The following TWSG1 variants were observed in gnomAD, a reference collection of about 807,000 sequenced individuals.
TWSG1 encodes twisted gastrulation protein homolog 1.
TWSG1 carries 15 observed loss-of-function variants against 23.0 expected under a neutral mutation model. The ratio of observed to expected loss-of-function variants is 0.65; its 90% CI spans 0.44 to 1.00. TWSG1 has a LOEUF of 1.00. Ranked by LOEUF, TWSG1 falls within the 50% of genes least tolerant of loss-of-function variation. The probability of loss-of-function intolerance (pLI) is 0.00; values close to 1 mark genes in which losing one functional copy is unlikely to be tolerated. For missense variants in TWSG1, 242 were observed against 278.7 expected (o/e 0.87, Z 0.94); for synonymous variants, 86 against 92.8 (o/e 0.93, Z 0.42).
chr18:9,393,731 T>G (rs1346107432), intron 3 of TWSG1, among the ~76,000 whole-genome samples: 5 of 151,736 alleles, frequency 3.3e-5, no homozygotes, highest in Non-Finnish European at 7.4e-5. Flanking sequence ...CTAATTTTTT[T>G]GTTTGTTTTG....
intron 3 of TWSG1, among the ~76,000 whole-genome samples, chr18:9,380,621 G>GCTA (rs1439138058): frequency 2.0e-5 from 3 of 152,170 alleles, no homozygotes; most frequent in Non-Finnish European, 4.4e-5. Context: ...TGAGGACAAA[G>GCTA]CTGTAGTCTA....
At chr18:9,396,955 G>A (rs573549498) in intron 4 of TWSG1, 20 of 184,734 alleles carry the variant, frequency 1.1e-4, no homozygotes, top group Admixed American at 2.4e-4. Flanking sequence ...CTACGAGGGA[G>A]GCTGAGGCAG....
intron 2 of TWSG1, among the ~76,000 whole-genome samples, chr18:9,348,227 G>A (rs1039162355): frequency 6.6e-6 from 1 of 152,156 alleles, no homozygotes. Flanking sequence ...TGTTGTGATT[G>A]GACATGAGTA....
intron 3 of TWSG1, among the ~76,000 whole-genome samples, chr18:9,396,065 T>G (rs1467470951): frequency 1.3e-5 from 2 of 150,180 alleles, no homozygotes; most frequent in African/African-American, 4.9e-5. Context: ...GTTCCTATTA[T>G]GTATTTAAAA....
intron 3 of TWSG1, among the ~76,000 whole-genome samples, chr18:9,360,900 A>G (rs1328012587): frequency 3.3e-5 from 5 of 152,152 alleles, no homozygotes; most frequent in African/African-American, 7.2e-5. Context: ...TAATAACCCT[A>G]TACTACTCTC....
chr18:9,347,021 A>G (rs542773763), intron 2 of TWSG1, among the ~76,000 whole-genome samples: 1 of 152,338 alleles, frequency 6.6e-6, no homozygotes, highest in East Asian at 1.9e-4. Flanking sequence ...GATTTTCACC[A>G]TCTAAATAGG....
chr18:9,399,227 C>T (rs1268651494), intron 4 of TWSG1, 119 bp from the exon 5 acceptor site: 1 of 609,406 alleles, frequency 1.6e-6, no homozygotes, highest in Admixed American at 3.5e-5. Context: ...TTGTCATGTA[C>T]AGACCAGTAA....
intron 3 of TWSG1, among the ~76,000 whole-genome samples, chr18:9,361,246 TG>T (rs1262180304): frequency 1.3e-5 from 2 of 152,226 alleles, no homozygotes; most frequent in African/African-American, 4.8e-5. Flanking sequence ...CTTCTCTGAT[TG>T]TCCTTTTTTA....
At chr18:9,393,909 A>G (rs1812888262) in intron 3 of TWSG1, among the ~76,000 whole-genome samples, 1 of 152,180 alleles carries the variant, frequency 6.6e-6, no homozygotes, top group South Asian at 2.1e-4. Flanking sequence ...AAATATAGAG[A>G]AATTTGCCAG....
At chr18:9,363,695 G>A (rs760304954) in intron 3 of TWSG1, among the ~76,000 whole-genome samples, 4 of 152,016 alleles carry the variant, frequency 2.6e-5, no homozygotes, top group Non-Finnish European at 5.9e-5. Flanking sequence ...GTGCAGTCTT[G>A]GCTCACTGCA....
chr18:9,382,212 A>T (rs2040660155), intron 3 of TWSG1, among the ~76,000 whole-genome samples: 1 of 150,476 alleles, frequency 6.6e-6, no homozygotes, highest in Non-Finnish European at 1.5e-5. Flanking sequence ...AAAAAACAAG[A>T]GGAGGCTGGG....
Position 9,376,968 on chromosome 18 carries a change from C to A in TWSG1, c.223+16897C>A, listed in dbSNP as rs77481109. ...TACATGTTACTTAACAGTATGTTTA[C>A]ACTGTATTATGTATCATAAGTAATC... On this transcript the variant is annotated intron_variant, in intron 3 of 4. Coordinates refer to ENST00000262120, the MANE Select transcript of TWSG1 (RefSeq NM_020648.6). Among the ~76,000 whole-genome samples, 815 of 151,866 alleles carry A rather than the reference C, an allele frequency of 5.4e-3. 8 individuals are homozygous for A. Among genetic ancestry groups the A allele is most frequent in the African/African-American group, 0.019 (781 of 41,402 alleles).
At chr18:9,335,827 C>T (rs2040420287) in intron 1 of TWSG1, among the ~76,000 whole-genome samples, 1 of 152,154 alleles carries the variant, frequency 6.6e-6, no homozygotes, top group East Asian at 1.9e-4. Context: ...TACTTTGTAA[C>T]ACTTAGAATA....
chr18:9,385,912 T>C lies in TWSG1; in HGVS notation c.224-10368T>C, dbSNP rs970399383. Among the ~76,000 whole-genome samples, 84 of 152,268 alleles carry C rather than the reference T, an allele frequency of 5.5e-4. 1 individual carries two copies. Among genetic ancestry groups the C allele is most frequent in the Non-Finnish European group, 1.3e-4 (9 of 68,012 alleles). ...GGCCGGGCATGGTGGCTCACACCTG[T>C]AATCCCAGCACTTTGGGAGGCCAAG... On this transcript the variant is annotated intron_variant, in intron 3 of 4. Coordinates refer to ENST00000262120, the MANE Select transcript of TWSG1 (RefSeq NM_020648.6).
In TWSG1 at chr18:9,378,792, G is replaced by A. The variant is rs1232580965; in HGVS notation, c.224-17488G>A. 4.0e-5 allele frequency among the ~76,000 whole-genome samples: 6 copies of A among 149,808 alleles called. No individual in the cohort carries two copies. The East Asian group carries it at 5.8e-4, about 15-fold the overall frequency. On this transcript the variant is annotated intron_variant, in intron 3 of 4. Coordinates refer to ENST00000262120, the MANE Select transcript of TWSG1 (RefSeq NM_020648.6). ...TTGAGACCAGCCTGGGCAACTTAAC[G>A]AAATACCATCTCTACAAAAAATACC...
chr18:9,396,202 T>C (rs2040734757), intron 3 of TWSG1, 78 bp from the exon 4 acceptor site: 12 of 1,162,562 alleles, frequency 1.0e-5, no homozygotes, highest in Non-Finnish European at 1.5e-5. Flanking sequence ...ATCCTAGAAG[T>C]TACATAATTT....
intron 3 of TWSG1, among the ~76,000 whole-genome samples, chr18:9,376,648 C>T (rs1402397296): frequency 6.6e-6 from 1 of 151,686 alleles, no homozygotes; most frequent in Non-Finnish European, 1.5e-5. Flanking sequence ...TTGTGACCAG[C>T]CTAGGTAATG....
At chr18:9,379,473 G>A (rs1265823878) in intron 3 of TWSG1, among the ~76,000 whole-genome samples, 2 of 152,162 alleles carry the variant, frequency 1.3e-5, no homozygotes, top group East Asian at 3.9e-4. Flanking sequence ...GAGAACACGT[G>A]GACAGAAGGA....
chr18:9,378,998 A>G (rs752536863), intron 3 of TWSG1, among the ~76,000 whole-genome samples: 2 of 152,188 alleles, frequency 1.3e-5, no homozygotes, highest in Non-Finnish European at 2.9e-5. Flanking sequence ...CAGAGTGGCT[A>G]TGATATTAAA....
Sources: gnomAD v4.1 joint callset for allele counts (sites outside exome capture counted in the v4.1 genomes callset) on GRCh38, gnomAD v4.1.1 for gene constraint, MANE v1.5 for transcripts, NCBI Gene and HGNC (gene_info 2026-07-23, HGNC 2026-07-21) for gene names.